Variants in ANKHD1 observed in about 807,000 individuals in gnomAD.
The protein encoded by ANKHD1 is ankyrin repeat and KH domain-containing protein 1.
Under a neutral mutation model 230.5 loss-of-function variants are expected in ANKHD1, and 31 were observed. The observed-to-expected ratio is 0.13, with a 90% CI of 0.10 to 0.18. ANKHD1 has a LOEUF of 0.18. ANKHD1 is among the 10% of genes least tolerant of loss of function. The pLI is 1.00. For synonymous variants in ANKHD1, 1,074 were observed against 1,117.6 expected (o/e 0.96, Z 0.78); for missense variants, 2,256 against 3,071.3 (o/e 0.73, Z 6.27).
intron 20 of ANKHD1, among the ~76,000 whole-genome samples, chr5:140,509,258 G>T (rs933027170): frequency 1.3e-5 from 2 of 152,126 alleles, no homozygotes; most frequent in African/African-American, 4.8e-5. Context: ...AAATGTTGGA[G>T]ACTAACGTAC....
chr5:140,426,246 C>G (rs2126884199), intron 1 of ANKHD1, among the ~76,000 whole-genome samples: 1 of 152,278 alleles, frequency 6.6e-6, no homozygotes, highest in Non-Finnish European at 1.5e-5. Context: ...TCTCCTGCCT[C>G]AGGTCCCCAG....
At chr5:140,417,738 G>A (rs1352268477) in intron 1 of ANKHD1, among the ~76,000 whole-genome samples, 4 of 151,896 alleles carry the variant, frequency 2.6e-5, no homozygotes, top group East Asian at 1.9e-4. Context: ...ACAGGCATGC[G>A]CCACTGCACC....
intron 13 of ANKHD1, 73 bp from the exon 14 acceptor site, chr5:140,486,885 A>C (rs1581326187): frequency 2.1e-6 from 3 of 1,421,598 alleles, no homozygotes; most frequent in Non-Finnish European, 2.9e-6. Context: ...CTAAAACAGG[A>C]TATCTGTTTC....
intron 1 of ANKHD1, among the ~76,000 whole-genome samples, chr5:140,420,368 G>A (rs1408250347): frequency 6.6e-6 from 1 of 151,980 alleles, no homozygotes; most frequent in Non-Finnish European, 1.5e-5. Flanking sequence ...TTTTGCTTGT[G>A]CTCTTGTTGT....
chr5:140,402,293 G>A lies in ANKHD1; in HGVS notation c.306+20G>A. ...TCCGAGGTAAGGCTCCGGGACCCTC[G>A]CCTCCCACACATTGTGAGGCGTGAA... is the stretch of plus-strand genomic sequence containing the variant. On this transcript the variant is annotated intron_variant, in intron 1 of 33. Coordinates refer to ENST00000360839, the MANE Select transcript of ANKHD1 (RefSeq NM_017747.3). The A allele has an allele frequency of 6.9e-7, 1 of 1,456,750 alleles. No homozygotes were observed. 90.2% of individuals were successfully genotyped at this position (1,456,750 alleles called of 1,614,324 possible). A position where few individuals can be genotyped will look rare whatever the true frequency, so the allele number is the denominator to read the frequency against.
chr5:140,486,000 C>A lies in ANKHD1; in HGVS notation c.2142+268C>A. ...ATTCTAAGTTGTTATCTTATTACAA[C>A]TAGGTTTTTCAGGGTTTTTTATTTG... On this transcript the variant is annotated intron_variant, in intron 13 of 33. Transcript: ENST00000360839. This position sits in a 1 kb window ranked among gnomAD's most constrained non-coding sequence, Gnocchi z 4.8. The A allele has an allele frequency of 2.8e-6, 1 of 362,754 alleles. No individual in the cohort carries two copies. The highest frequency in any genetic ancestry group is 4.8e-6 in the Non-Finnish European group (1 of 210,134). 22.5% of individuals were successfully genotyped at this position (362,754 alleles called of 1,614,324 possible).
intron 9 of ANKHD1, among the ~76,000 whole-genome samples, chr5:140,460,955 T>C (rs1206647563): frequency 6.6e-6 from 1 of 152,220 alleles, no homozygotes; most frequent in Non-Finnish European, 1.5e-5. Flanking sequence ...CCCTATCATT[T>C]TTAGTAACTG....
Position 140,526,910 on chromosome 5 carries a change from C to T in ANKHD1, c.4941-18C>T, listed in dbSNP as rs568726304. ...TAAAACTTATCTTTTATTGTACTTGCTATTTGTCTCTTCTTAGACTTGAAG... is the reference window on the plus strand; with the variant it reads ...TAAAACTTATCTTTTATTGTACTTGTTATTTGTCTCTTCTTAGACTTGAAG... On this transcript the variant is annotated intron_variant, in intron 26 of 33. Transcript: ENST00000360839. 8.7e-6 allele frequency: 14 copies of T among 1,601,506 alleles called. No individual in the cohort carries two copies. The highest frequency in any genetic ancestry group is 1.2e-5 in the Non-Finnish European group (14 of 1,175,874).
intron 1 of ANKHD1, among the ~76,000 whole-genome samples, chr5:140,402,871 G>T (rs1439482655): frequency 1.3e-5 from 2 of 151,500 alleles, no homozygotes; most frequent in African/African-American, 4.8e-5. Context: ...GGAAAAGGAA[G>T]TTCCAGGGCA....
intron 1 of ANKHD1, among the ~76,000 whole-genome samples, chr5:140,411,037 A>G (rs1193449387): frequency 6.6e-6 from 1 of 152,218 alleles, no homozygotes; most frequent in African/African-American, 2.4e-5. Context: ...TTTGGTTACC[A>G]AATGCTGTTT....
intron 14 of ANKHD1, among the ~76,000 whole-genome samples, chr5:140,491,686 A>C (rs1056666641): frequency 5.9e-5 from 9 of 152,194 alleles, no homozygotes; most frequent in African/African-American, 1.9e-4. Context: ...CACCCCCACT[A>C]ACAATGCTTT....
At chr5:140,438,178 A>T (rs1479825719) in intron 2 of ANKHD1, among the ~76,000 whole-genome samples, 1 of 152,210 alleles carries the variant, frequency 6.6e-6, no homozygotes, top group Non-Finnish European at 1.5e-5. Flanking sequence ...TTTATTTGAT[A>T]GACAGCCTCA....
intron 1 of ANKHD1, among the ~76,000 whole-genome samples, chr5:140,428,886 G>A (rs1048779085): frequency 6.6e-6 from 1 of 151,658 alleles, no homozygotes; most frequent in African/African-American, 2.4e-5. Context: ...GGGTTCAAGC[G>A]ATTCTCGTGT....
In ANKHD1 at chr5:140,539,013, A is replaced by G. The variant is rs771254967; in HGVS notation, c.7499A>G (p.Asn2500Ser). Residue 2500 changes from asparagine (N) to serine (S), a missense_variant, in exon 33 of 34, where the codon AAT (asparagine) becomes AGT (serine). This residue lies in a region of ANKHD1 where 778 missense variants were observed against 966.5 expected (regional missense o/e 0.80). Coordinates refer to ENST00000360839, the MANE Select transcript of ANKHD1 (RefSeq NM_017747.3). ...GGCCCTCTGTTTAATGGACTTCACA[A>G]TCCAGATCCTGCTTGGAACCCTATG... ...PGGPLFNGLH[N>S]PDPAWNPMIK... 4 of 1,613,314 alleles carry G rather than the reference A, an allele frequency of 2.5e-6. No individual in the cohort carries two copies. The Admixed American group carries it at 5.0e-5, about 20-fold the overall frequency.
Position 140,408,431 on chromosome 5 carries a change from T to A in ANKHD1, c.306+6158T>A, listed in dbSNP as rs1341654612. 2.0e-5 allele frequency among the ~76,000 whole-genome samples: 3 copies of A among 152,164 alleles called. No individual in the cohort carries two copies. In the East Asian group the frequency reaches 5.8e-4, roughly 29 times the overall value. ...GGCATATCAAATTTAAAAGTGTAGC[T>A]TTATATCACACTGAGGTTTTTTTCT... On this transcript the variant is annotated intron_variant, in intron 1 of 33. Transcript: ENST00000360839.
chr5:140,478,507 T>C (rs535735527), intron 10 of ANKHD1, among the ~76,000 whole-genome samples: 6 of 152,098 alleles, frequency 3.9e-5, no homozygotes, highest in Non-Finnish European at 7.4e-5. Context: ...GCTAGAAATA[T>C]ATAAATTATC....
intron 22 of ANKHD1, 128 bp downstream of exon 22, chr5:140,510,309 C>CTT (rs34693244): frequency 0.08 from 42,642 of 532,624 alleles, 710 homozygotes; most frequent in East Asian, 0.23. Flanking sequence ...TCTTTCCATT[C>CTT]TTTTTTTTTT....
intron 1 of ANKHD1, among the ~76,000 whole-genome samples, chr5:140,412,488 C>G (rs1435630219): frequency 6.6e-6 from 1 of 152,148 alleles, no homozygotes; most frequent in Non-Finnish European, 1.5e-5. Context: ...AATGAAATTA[C>G]TGTCATGTAG....
chr5:140,501,099 G>GTT (rs772838208), intron 15 of ANKHD1, among the ~76,000 whole-genome samples: 33 of 136,930 alleles, frequency 2.4e-4, no homozygotes, highest in African/African-American at 3.2e-4. Context: ...ATAGGTTTTT[G>GTT]TTTTTTTTTT....
Sources: allele counts gnomAD v4.1 joint callset (sites outside exome capture counted in the v4.1 genomes callset), GRCh38; gene constraint gnomAD v4.1.1; regional missense constraint gnomAD v4.1.1; non-coding constraint Gnocchi (gnomAD v3.1); transcripts MANE v1.5; gene names NCBI Gene and HGNC (gene_info 2026-07-23, HGNC 2026-07-21).